OTOGL: variants seen among roughly 807,000 people sequenced by gnomAD.
The protein encoded by OTOGL is otogelin like.
OTOGL carries 285 observed loss-of-function variants against 318.5 expected under a neutral mutation model. That is an observed-to-expected ratio of 0.89 (90% CI 0.81 to 0.99). OTOGL has a LOEUF of 0.99. OTOGL is among the 50% of genes least tolerant of loss of function. The probability of loss-of-function intolerance (pLI) is 0.00; values close to 1 mark genes in which losing one functional copy is unlikely to be tolerated. For synonymous variants in OTOGL, 987 were observed against 936.5 expected (o/e 1.05, Z -0.99); for missense variants, 2,899 against 2,845.6 (o/e 1.02, Z -0.43).
chr12:80,333,220 C>T (rs1212426394), intron 38 of OTOGL, 142 bp downstream of exon 38: 2 of 677,096 alleles, frequency 3.0e-6, no homozygotes, highest in Non-Finnish European at 2.4e-6. Context: ...AAGAAATATG[C>T]ATTTCATTGG....
intron 22 of OTOGL, among the ~76,000 whole-genome samples, chr12:80,269,873 G>A (rs890726469): frequency 5.9e-5 from 9 of 152,050 alleles, no homozygotes; most frequent in Non-Finnish European, 1.3e-4. Flanking sequence ...TGTCTCCCAT[G>A]CCTATCCCAA....
chr12:80,181,605 T>C (rs1874924518), intron 1 of OTOGL, among the ~76,000 whole-genome samples: 1 of 152,078 alleles, frequency 6.6e-6, no homozygotes, highest in Admixed American at 6.6e-5. Context: ...TCATAGGTGT[T>C]TTCTACATAA....
chr12:80,379,876 TA>T lies in OTOGL; in HGVS notation c.*1831del, dbSNP rs1891370089. 1.3e-5 allele frequency: 2 copies of T among 152,044 alleles called. No homozygotes were observed. The highest frequency in any genetic ancestry group is 4.8e-5 in the African/African-American group (2 of 41,508). The allele number at this position is 152,044 out of a possible 1,614,324, so 9.4% of individuals were successfully genotyped here. ...TAAACTCTTGGGACACAGGCAAAAC[TA>T]AACAGACACAGTCCTAACTCCCTTA... On this transcript the variant is annotated 3_prime_UTR_variant, in exon 59 of 59. Transcript: ENST00000547103.
intron 1 of OTOGL, among the ~76,000 whole-genome samples, chr12:80,183,399 T>C (rs1334451199): frequency 2.0e-5 from 3 of 152,222 alleles, no homozygotes; most frequent in African/African-American, 7.2e-5. Context: ...GCTTTTTGTT[T>C]CTTTTGGTCT....
At chr12:80,307,946 G>T (rs1420600339) in intron 29 of OTOGL, among the ~76,000 whole-genome samples, 3 of 135,320 alleles carry the variant, frequency 2.2e-5, no homozygotes, top group South Asian at 2.3e-4. Flanking sequence ...CCTCCCGGAC[G>T]GAGCGGCTGG....
chr12:80,160,903 A>C (rs1302612282), intron 1 of OTOGL, among the ~76,000 whole-genome samples: 4 of 152,272 alleles, frequency 2.6e-5, no homozygotes, highest in Non-Finnish European at 4.4e-5. Context: ...ACTCAGCCCC[A>C]AAAAGGAACA....
chr12:80,325,355 G>A (rs1887613349), intron 35 of OTOGL, among the ~76,000 whole-genome samples: 1 of 152,238 alleles, frequency 6.6e-6, no homozygotes, highest in African/African-American at 2.4e-5. Context: ...ATGGCCTAGG[G>A]AGGCCTTGAG....
chr12:80,250,020 G>A (rs963919011), intron 11 of OTOGL, among the ~76,000 whole-genome samples: 3 of 151,926 alleles, frequency 2.0e-5, no homozygotes, highest in Admixed American at 6.5e-5. Flanking sequence ...GCCCTGCTTC[G>A]GCTCGCGCAC....
intron 26 of OTOGL, among the ~76,000 whole-genome samples, chr12:80,287,593 C>A (rs752589490): frequency 6.6e-6 from 1 of 152,148 alleles, no homozygotes; most frequent in African/African-American, 2.4e-5. Flanking sequence ...GTATTGGGTG[C>A]GTATGTATTT....
intron 38 of OTOGL, among the ~76,000 whole-genome samples, chr12:80,334,044 C>T (rs569135604): frequency 1.3e-5 from 2 of 152,250 alleles, no homozygotes; most frequent in South Asian, 2.1e-4. Context: ...CAAGGAATTA[C>T]ACCATCTGAG....
chr12:80,366,903 AAT>A (rs1431149765), intron 53 of OTOGL, among the ~76,000 whole-genome samples: 2 of 151,930 alleles, frequency 1.3e-5, no homozygotes, highest in African/African-American at 2.4e-5. Context: ...GGCTCTTTTT[AAT>A]ATGTCTACAT....
At chr12:80,312,204 A>G (rs1437612786) in intron 30 of OTOGL, among the ~76,000 whole-genome samples, 1 of 152,188 alleles carries the variant, frequency 6.6e-6, no homozygotes, top group Non-Finnish European at 1.5e-5. Context: ...CCAACTAAAT[A>G]TATGCATGGA....
intron 1 of OTOGL, among the ~76,000 whole-genome samples, chr12:80,121,568 C>T (rs1005846160): frequency 2.6e-5 from 4 of 152,048 alleles, no homozygotes; most frequent in South Asian, 2.1e-4. Context: ...AACCACCCCA[C>T]GAAACAAAAC....
intron 6 of OTOGL, among the ~76,000 whole-genome samples, chr12:80,221,423 C>T (rs2137354183): frequency 6.6e-6 from 1 of 152,090 alleles, no homozygotes; most frequent in South Asian, 2.1e-4. Flanking sequence ...TGCCACCCCA[C>T]CATGCTGGCT....
intron 29 of OTOGL, among the ~76,000 whole-genome samples, chr12:80,310,172 G>A (rs1242234139): frequency 6.6e-6 from 1 of 152,128 alleles, no homozygotes; most frequent in Non-Finnish European, 1.5e-5. Flanking sequence ...ACATTTTTCA[G>A]GGCAGTTTCA....
chr12:80,143,991 GTA>G (rs1872134455), intron 1 of OTOGL, among the ~76,000 whole-genome samples: 1 of 150,722 alleles, frequency 6.6e-6, no homozygotes. Flanking sequence ...AGAGATATAT[GTA>G]TATTCTTCTA....
intron 27 of OTOGL, among the ~76,000 whole-genome samples, chr12:80,299,280 A>C (rs1335257992): frequency 6.6e-6 from 1 of 152,226 alleles, no homozygotes; most frequent in African/African-American, 2.4e-5. Flanking sequence ...CATAAGCACC[A>C]ACCAGATATT....
intron 28 of OTOGL, among the ~76,000 whole-genome samples, chr12:80,303,282 A>T (rs1592680231): frequency 6.6e-6 from 1 of 152,036 alleles, no homozygotes; most frequent in East Asian, 1.9e-4. Flanking sequence ...CAGCCTCCGG[A>T]GTAGCTGGGA....
chr12:80,107,948 G>A (rs1036067601), intron 1 of OTOGL, among the ~76,000 whole-genome samples: 1 of 152,074 alleles, frequency 6.6e-6, no homozygotes, highest in Admixed American at 6.6e-5. Context: ...GCCTATTTGA[G>A]AGTGGAGGGT....
Sources: allele counts gnomAD v4.1 joint callset (sites outside exome capture counted in the v4.1 genomes callset), GRCh38; gene constraint gnomAD v4.1.1; transcripts MANE v1.5; gene names NCBI Gene and HGNC (gene_info 2026-07-23, HGNC 2026-07-21).